The following TTC39B variants were observed in gnomAD, a reference collection of about 807,000 sequenced individuals.
TTC39B encodes tetratricopeptide repeat protein 39B.
TTC39B carries 92 observed loss-of-function variants against 96.6 expected under a neutral mutation model. The observed-to-expected ratio is 0.95, with a 90% CI of 0.80 to 1.13. TTC39B has a LOEUF of 1.13. Ranked by LOEUF, TTC39B falls within the 50% of genes most tolerant of loss-of-function variation. The pLI, the probability that TTC39B is intolerant of heterozygous loss-of-function variation, is 0.00. For synonymous variants in TTC39B, 367 were observed against 299.4 expected (o/e 1.23, Z -2.33); for missense variants, 955 against 809.3 (o/e 1.18, Z -2.18).
At chr9:15,290,210 T>C (rs988401660) in intron 1 of TTC39B, among the ~76,000 whole-genome samples, 1 of 152,230 alleles carries the variant, frequency 6.6e-6, no homozygotes, top group African/African-American at 2.4e-5. Context: ...ATTGTGGTGA[T>C]GGCTATGCAA....
chr9:15,233,351 T>TCC (rs1263308796), intron 2 of TTC39B, among the ~76,000 whole-genome samples: 3 of 151,788 alleles, frequency 2.0e-5, no homozygotes, highest in Non-Finnish European at 2.9e-5. Flanking sequence ...CCTCTCCCTC[T>TCC]CTCTCCCCAC....
intron 1 of TTC39B, among the ~76,000 whole-genome samples, chr9:15,292,469 G>A (rs1824223041): frequency 6.6e-6 from 1 of 152,164 alleles, no homozygotes; most frequent in African/African-American, 2.4e-5. Context: ...ACTGGTTTAT[G>A]TATTTATTAT....
chr9:15,260,949 T>C (rs1382312193), intron 2 of TTC39B, among the ~76,000 whole-genome samples: 4 of 152,214 alleles, frequency 2.6e-5, no homozygotes, highest in Admixed American at 6.5e-5. Context: ...TGAGTTTCTA[T>C]GTAAGGATAA....
At chr9:15,169,952 G>A (rs2118355499) in exon 20 of TTC39B, 1 of 152,174 alleles carries the variant, frequency 6.6e-6, no homozygotes, top group South Asian at 2.1e-4. Context: ...AAGAATATAT[G>A]CTCAGTATAC....
chr9:15,286,043 T>C (rs1351781905), intron 1 of TTC39B, among the ~76,000 whole-genome samples: 2 of 152,234 alleles, frequency 1.3e-5, no homozygotes, highest in Non-Finnish European at 2.9e-5. Flanking sequence ...TTGTAAACCC[T>C]GTGGTCCTTT....
At chr9:15,293,546 C>T (rs1824266030) in intron 1 of TTC39B, among the ~76,000 whole-genome samples, 1 of 152,066 alleles carries the variant, frequency 6.6e-6, no homozygotes. Flanking sequence ...GTTAGGAATG[C>T]AAGATCCTAG....
rs190934135 is a variant in TTC39B, at chr9:15,213,138, G to A, written c.482+1001C>T. On this transcript the variant is annotated intron_variant, in intron 4 of 19. Coordinates refer to ENST00000512701, the Ensembl canonical transcript of TTC39B. ...AGCATTTAAAAACCCAAAGAAGACA[G>A]GCAAGTAGGCTGAGAAAAGAGAAGG... Among the ~76,000 whole-genome samples, 5 of 151,996 alleles carry A rather than the reference G, an allele frequency of 3.3e-5. No individual in the cohort carries two copies. In the East Asian group the frequency reaches 9.7e-4, roughly 30 times the overall value.
exon 8 of TTC39B, chr9:15,199,866 T>G (rs1178810072): frequency 6.6e-7 from 1 of 1,522,952 alleles, no homozygotes; most frequent in Non-Finnish European, 9.0e-7. Flanking sequence ...CTTACTTATA[T>G]ATTTGGTAAC....
intron 2 of TTC39B, among the ~76,000 whole-genome samples, chr9:15,252,451 A>T (rs1013748136): frequency 3.9e-5 from 6 of 152,192 alleles, no homozygotes; most frequent in African/African-American, 1.4e-4. Flanking sequence ...GATCAAGACC[A>T]TCCTGGCTAA....
intron 2 of TTC39B, among the ~76,000 whole-genome samples, chr9:15,228,754 C>T (rs182943514): frequency 6.6e-6 from 1 of 152,144 alleles, no homozygotes; most frequent in Non-Finnish European, 1.5e-5. Context: ...TATGCTCAAA[C>T]AAACTAGTTA....
intron 16 of TTC39B, chr9:15,183,466 A>T: frequency 1.6e-5 from 1 of 61,764 alleles, no homozygotes; most frequent in Admixed American, 3.3e-4. Context: ...CCTAGGTACA[A>T]AAAAAAAAAA....
At chr9:15,216,785 G>A (rs970660161) in intron 3 of TTC39B, among the ~76,000 whole-genome samples, 4 of 152,154 alleles carry the variant, frequency 2.6e-5, no homozygotes, top group Non-Finnish European at 2.9e-5. Flanking sequence ...AGGTTCTGGC[G>A]ATACAGCAAT....
At chr9:15,175,937 G>A (rs1031489785) in intron 18 of TTC39B, among the ~76,000 whole-genome samples, 1 of 152,172 alleles carries the variant, frequency 6.6e-6, no homozygotes, top group Non-Finnish European at 1.5e-5. Context: ...CCACTCACTG[G>A]CAAAGGAGGA....
At chr9:15,166,982 TTA>T (rs1174714919) in exon 20 of TTC39B, 140 of 20,254 alleles carry the variant, frequency 6.9e-3, no homozygotes, top group Non-Finnish European at 9.1e-3. Flanking sequence ...AACCTTTATT[TTA>T]TATATATATA....
At chr9:15,292,354 C>T (rs1238347690) in intron 1 of TTC39B, among the ~76,000 whole-genome samples, 3 of 152,178 alleles carry the variant, frequency 2.0e-5, no homozygotes, top group Non-Finnish European at 4.4e-5. Context: ...GAGTTACCTA[C>T]ATATTTGTGG....
In TTC39B at chr9:15,172,099, TG is replaced by T. The variant is rs1180609962; in HGVS notation, c.1968del (p.Tyr656Ter). 1 of 1,611,918 alleles carries T rather than the reference TG, an allele frequency of 6.2e-7. No homozygotes were observed. Among genetic ancestry groups the T allele is most frequent in the Non-Finnish European group, 8.5e-7 (1 of 1,178,674 alleles). On this transcript the variant is annotated frameshift_variant, in exon 20 of 20. Transcript: ENST00000512701. LOFTEE classifies it high-confidence loss of function. ...AGTCTGGACTCCAGGGAGTAATCTT[TG>T]TAGTTGTTCCTGAAGACAATAACAA... is the stretch of plus-strand genomic sequence containing the variant.
At chr9:15,261,395 A>G (rs1822940151) in intron 2 of TTC39B, among the ~76,000 whole-genome samples, 1 of 152,122 alleles carries the variant, frequency 6.6e-6, no homozygotes, top group Non-Finnish European at 1.5e-5. Context: ...GGAGCACTTG[A>G]ACCCAGGAGT....
At chr9:15,218,635 A>AAT (rs1554774372) in intron 3 of TTC39B, among the ~76,000 whole-genome samples, 2 of 149,526 alleles carry the variant, frequency 1.3e-5, no homozygotes, top group East Asian at 3.9e-4. Flanking sequence ...GTCTATTTTA[A>AAT]ATATATATAT....
chr9:15,264,619 C>T (rs1465411909), intron 2 of TTC39B, among the ~76,000 whole-genome samples: 4 of 145,376 alleles, frequency 2.8e-5, no homozygotes, highest in African/African-American at 5.2e-5. Flanking sequence ...CACACCATTG[C>T]ACTCTAGCCT....
Sources: gnomAD v4.1 joint callset for allele counts (sites outside exome capture counted in the v4.1 genomes callset) on GRCh38, gnomAD v4.1.1 for gene constraint, MANE v1.5 for transcripts, NCBI Gene and HGNC (gene_info 2026-07-23, HGNC 2026-07-21) for gene names.